Variants in FBLN5 observed in about 807,000 individuals in gnomAD.
FBLN5 encodes fibulin 5, also known as fibulin-5.
In FBLN5, 24 loss-of-function variants were observed where a neutral mutation model predicts 61.6. The observed-to-expected ratio is 0.39, with a 90% CI of 0.28 to 0.55. The LOEUF (loss-of-function observed/expected upper bound fraction) is 0.55. Among genes scored for constraint, FBLN5 ranks in the 20% least tolerant of loss-of-function variants. The pLI is 0.65. For missense variants in FBLN5, 470 were observed against 594.1 expected (o/e 0.79, Z 2.17); for synonymous variants, 213 against 219.8 (o/e 0.97, Z 0.27).
At chr14:91,906,409 G>T (rs10152046) in intron 4 of FBLN5, among the ~76,000 whole-genome samples, 2 of 152,128 alleles carry the variant, frequency 1.3e-5, no homozygotes, top group East Asian at 3.9e-4. Flanking sequence ...GAGGGAGAGG[G>T]AGCAAGAGAG....
intron 9 of FBLN5, among the ~76,000 whole-genome samples, chr14:91,879,194 G>A (rs930202816): frequency 6.6e-6 from 1 of 152,218 alleles, no homozygotes; most frequent in Admixed American, 6.5e-5. Context: ...TTGGAGGAGG[G>A]AGTGATGGCT....
intron 3 of FBLN5, 118 bp downstream of exon 3, chr14:91,940,447 A>G (rs978422675): frequency 4.6e-6 from 4 of 876,526 alleles, no homozygotes; most frequent in African/African-American, 3.3e-5. Context: ...CAGTCATTCC[A>G]TGTCACTGTA....
At chr14:91,930,469 C>A (rs1438251201) in intron 4 of FBLN5, among the ~76,000 whole-genome samples, 1 of 152,162 alleles carries the variant, frequency 6.6e-6, no homozygotes, top group Non-Finnish European at 1.5e-5. Context: ...GATCCCATTT[C>A]CTCTCTGGGC....
intron 4 of FBLN5, among the ~76,000 whole-genome samples, chr14:91,931,115 AC>A (rs1211857766): frequency 6.6e-6 from 1 of 152,110 alleles, no homozygotes; most frequent in Non-Finnish European, 1.5e-5. Context: ...GAGGAAACCA[AC>A]CCCCGTCCTC....
intron 4 of FBLN5, among the ~76,000 whole-genome samples, chr14:91,922,089 G>A (rs932949910): frequency 1.3e-5 from 2 of 152,064 alleles, no homozygotes; most frequent in Non-Finnish European, 2.9e-5. Context: ...CCTGAGGTCA[G>A]GAATTTGAAC....
intron 7 of FBLN5, among the ~76,000 whole-genome samples, chr14:91,883,493 C>T (rs1033865972): frequency 3.9e-5 from 6 of 152,070 alleles, no homozygotes; most frequent in African/African-American, 1.2e-4. Flanking sequence ...TTCCCTGGCC[C>T]TAGAGGGCCC....
Position 91,942,942 on chromosome 14 carries a change from G to A in FBLN5, c.37C>T (p.Leu13=). ...GIKRILTVTI[L]ALCLPSPGNA... ...CCAGGGCTTGGAAGACAGAGAGCCAGAATGGTAACAGTGAGTATCCTGTGG... is the reference window on the plus strand; with the variant it reads ...CCAGGGCTTGGAAGACAGAGAGCCAAAATGGTAACAGTGAGTATCCTGTGG... Residue 13 remains leucine (L), a synonymous_variant, in exon 2 of 11, where the codon CTG becomes TTG. Transcript: ENST00000342058. 1 of 1,550,962 alleles carries A rather than the reference G, an allele frequency of 6.4e-7. No homozygotes were observed. The highest frequency in any genetic ancestry group is 8.7e-7 in the Non-Finnish European group (1 of 1,144,756).
At chr14:91,873,087 C>T (rs373742501) in intron 10 of FBLN5, among the ~76,000 whole-genome samples, 10 of 152,166 alleles carry the variant, frequency 6.6e-5, no homozygotes, top group South Asian at 2.1e-4. Flanking sequence ...CTGGTGAGTC[C>T]GGCCTCCACC....
At chr14:91,883,953 CCT>C (rs562181826) in intron 7 of FBLN5, among the ~76,000 whole-genome samples, 351 of 152,320 alleles carry the variant, frequency 2.3e-3, no homozygotes, top group Admixed American at 5.2e-3. Flanking sequence ...CAACAGAGCC[CCT>C]GTTTGAGCCT....
chr14:91,915,605 T>C lies in FBLN5; in HGVS notation c.380-20533A>G, dbSNP rs186726725. On this transcript the variant is annotated intron_variant, in intron 4 of 10. Coordinates refer to ENST00000342058, the MANE Select transcript of FBLN5 (RefSeq NM_006329.4). ...AGGAGGCTGAGGCAGGAGAATGGCA[T>C]GAACCCGGGAGGCGGAGGTTGCAGT... 7.6e-3 allele frequency among the ~76,000 whole-genome samples: 1,063 copies of C among 139,188 alleles called. 2 individuals are homozygous for C. The highest frequency in any genetic ancestry group is 9.9e-3 in the Admixed American group (117 of 11,830). 91.3% of individuals were successfully genotyped at this position (139,188 alleles called of 152,430 possible).
At chr14:91,892,720 T>A (rs907323652) in intron 5 of FBLN5, among the ~76,000 whole-genome samples, 1 of 152,154 alleles carries the variant, frequency 6.6e-6, no homozygotes, top group Non-Finnish European at 1.5e-5. Context: ...TACCCTTCAC[T>A]ACGGGTACCT....
At chr14:91,912,349 G>C (rs1028706776) in intron 4 of FBLN5, among the ~76,000 whole-genome samples, 1 of 151,990 alleles carries the variant, frequency 6.6e-6, no homozygotes, top group Non-Finnish European at 1.5e-5. Flanking sequence ...ATAAAAAATA[G>C]AAAAATTAGC....
intron 1 of FBLN5, among the ~76,000 whole-genome samples, chr14:91,945,707 G>A (rs763337053): frequency 2.0e-5 from 3 of 152,154 alleles, no homozygotes; most frequent in Non-Finnish European, 4.4e-5. Context: ...TAGGAGATGC[G>A]AGGCCATTTC....
At chr14:91,888,016 G>A (rs566723713) in intron 6 of FBLN5, among the ~76,000 whole-genome samples, 1 of 152,290 alleles carries the variant, frequency 6.6e-6, no homozygotes, top group East Asian at 1.9e-4. Flanking sequence ...CATTTTTGAA[G>A]GACCAGGCAT....
intron 4 of FBLN5, among the ~76,000 whole-genome samples, chr14:91,923,221 C>T (rs2055771630): frequency 6.6e-6 from 1 of 152,174 alleles, no homozygotes; most frequent in Admixed American, 6.5e-5. Flanking sequence ...GAGCTTGTGG[C>T]AGTGCTAAGA....
At chr14:91,875,818 A>T (rs1889137319) in intron 10 of FBLN5, among the ~76,000 whole-genome samples, 1 of 152,222 alleles carries the variant, frequency 6.6e-6, no homozygotes. Flanking sequence ...AGAGACAGAG[A>T]GGTTGAAGTT....
intron 4 of FBLN5, among the ~76,000 whole-genome samples, chr14:91,902,536 T>C (rs540057268): frequency 8.7e-4 from 133 of 152,328 alleles, no homozygotes; most frequent in African/African-American, 3.0e-3. Context: ...TTTACCTAAA[T>C]GAATCCAATG....
chr14:91,892,936 T>C (rs370780222), intron 5 of FBLN5, among the ~76,000 whole-genome samples: 1 of 152,212 alleles, frequency 6.6e-6, no homozygotes, highest in Non-Finnish European at 1.5e-5. Context: ...CATGGTACCA[T>C]GCTAGGCATC....
rs546262242 is a variant in FBLN5 at position 91,881,041 on chromosome 14, ATAT to A, written c.989+248_989+250del. ...ACTAAAAGATAAGTTTCAAAAAACA[ATAT>A]TGACTCTTGCTATGTGCAATGTACT... On this transcript the variant is annotated intron_variant, in intron 9 of 10. Coordinates refer to ENST00000342058, the MANE Select transcript of FBLN5 (RefSeq NM_006329.4). 2.2e-4 allele frequency among the ~76,000 whole-genome samples: 34 copies of A among 152,308 alleles called. No individual in the cohort carries two copies. In the East Asian group the frequency reaches 4.2e-3, roughly 19 times the overall value.
Sources: allele counts gnomAD v4.1 joint callset (sites outside exome capture counted in the v4.1 genomes callset), GRCh38; gene constraint gnomAD v4.1.1; transcripts MANE v1.5; gene names NCBI Gene and HGNC (gene_info 2026-07-23, HGNC 2026-07-21).